The following UNC13C variants were observed in gnomAD, a reference collection of about 807,000 sequenced individuals.
The protein encoded by UNC13C is unc-13 homolog C.
In UNC13C, 174 loss-of-function variants were observed where a neutral mutation model predicts 245.4. The ratio of observed to expected loss-of-function variants is 0.71; its 90% CI spans 0.63 to 0.80. UNC13C has a LOEUF of 0.80. Ranked by LOEUF, UNC13C falls within the 30% of genes least tolerant of loss-of-function variation. The probability of loss-of-function intolerance (pLI) is 0.00; values close to 1 mark genes in which losing one functional copy is unlikely to be tolerated. For synonymous variants in UNC13C, 992 were observed against 895.1 expected, an observed-to-expected ratio of 1.11 and a Z score of -1.93; for missense variants, 2,829 against 2,602.9, an observed-to-expected ratio of 1.09 and a Z score of -1.89.
chr15:53,985,707 G>T (rs1406046364), intron 1 of UNC13C, among the ~76,000 whole-genome samples: 2 of 151,958 alleles, frequency 1.3e-5, no homozygotes, highest in Non-Finnish European at 2.9e-5. Flanking sequence ...ATTAGTAGGG[G>T]AGCTGCCTAC....
chr15:53,882,784 G>T, the UNC13C span, among the ~76,000 whole-genome samples: 1 of 152,090 alleles, frequency 6.6e-6, no homozygotes. Context: ...GCATTAAATA[G>T]TTAAACAGCC....
chr15:54,154,125 C>A (rs1285276980), intron 4 of UNC13C, among the ~76,000 whole-genome samples: 2 of 151,850 alleles, frequency 1.3e-5, no homozygotes, highest in Non-Finnish European at 2.9e-5. Context: ...ATTTATTGAG[C>A]ACTAGGTCTT....
intron 4 of UNC13C, among the ~76,000 whole-genome samples, chr15:54,232,950 G>A (rs1340365195): frequency 6.6e-6 from 1 of 152,104 alleles, no homozygotes; most frequent in African/African-American, 2.4e-5. Flanking sequence ...GAATTGGCAG[G>A]GGGTGGGAAG....
chr15:54,243,593 A>G (rs2035916987), intron 7 of UNC13C, among the ~76,000 whole-genome samples: 1 of 95,462 alleles, frequency 1.0e-5, no homozygotes, highest in Non-Finnish European at 1.9e-5. Flanking sequence ...AATTCCCACC[A>G]ACAGTGTAAA....
chr15:54,196,618 C>G (rs2034361816), intron 4 of UNC13C, among the ~76,000 whole-genome samples: 1 of 152,036 alleles, frequency 6.6e-6, no homozygotes, highest in Non-Finnish European at 1.5e-5. Flanking sequence ...GTATAAAAGA[C>G]AATATATCAT....
At chr15:54,606,435 G>A (rs908940268) in intron 30 of UNC13C, among the ~76,000 whole-genome samples, 27 of 152,170 alleles carry the variant, frequency 1.8e-4, no homozygotes, top group Non-Finnish European at 2.5e-4. Flanking sequence ...TAAATCATTT[G>A]TGGGTTTCTT....
At chr15:54,075,342 A>T (rs1898541649) in intron 2 of UNC13C, among the ~76,000 whole-genome samples, 1 of 152,030 alleles carries the variant, frequency 6.6e-6, no homozygotes, top group East Asian at 1.9e-4. Flanking sequence ...AAAATTAGCC[A>T]GGCCTGGCGG....
At chr15:54,072,520 C>T (rs1898377640) in intron 2 of UNC13C, among the ~76,000 whole-genome samples, 1 of 152,094 alleles carries the variant, frequency 6.6e-6, no homozygotes, top group South Asian at 2.1e-4. Context: ...TTTGGAATAC[C>T]CCATGTTACT....
intron 2 of UNC13C, among the ~76,000 whole-genome samples, chr15:54,109,110 C>T (rs1485535179): frequency 6.6e-6 from 1 of 152,132 alleles, no homozygotes; most frequent in African/African-American, 2.4e-5. Context: ...CAGACGTTTC[C>T]TATTTGGGAT....
chr15:54,174,318 G>C (rs1329498491), intron 4 of UNC13C, among the ~76,000 whole-genome samples: 1 of 152,068 alleles, frequency 6.6e-6, no homozygotes, highest in Non-Finnish European at 1.5e-5. Context: ...AACAAAAATA[G>C]TTTTCTTTTA....
chr15:54,268,822 A>G (rs2036612655), intron 10 of UNC13C, among the ~76,000 whole-genome samples: 1 of 152,040 alleles, frequency 6.6e-6, no homozygotes, highest in Non-Finnish European at 1.5e-5. Context: ...TTTAAATCTT[A>G]ATCTGGCCTT....
In UNC13C at chr15:54,333,845, T is replaced by A. The variant is rs1296254979; in HGVS notation, c.4573T>A (p.Phe1525Ile). Residue 1525 changes from phenylalanine (F) to isoleucine (I), a missense_variant, in exon 16 of 33, where the codon TTT becomes ATT. By Grantham distance (21) the Phe-to-Ile change is conservative. Coordinates refer to ENST00000260323, the MANE Select transcript of UNC13C (RefSeq NM_001080534.3). ...TVDLLTSITF[F>I]RMKVLELQSP... Reference sequence around the variant, plus strand: ...TGACCTGTTAACAAGTATCACCTTTTTTAGGATGAAGGTATCTCATTTTAT... The same window carrying A: ...TGACCTGTTAACAAGTATCACCTTTATTAGGATGAAGGTATCTCATTTTAT... 6.2e-7 allele frequency: 1 copy of A among 1,600,876 alleles called. No homozygotes were observed. The highest frequency in any genetic ancestry group is 2.2e-5 in the East Asian group (1 of 44,532).
intron 27 of UNC13C, among the ~76,000 whole-genome samples, chr15:54,549,235 G>A (rs1010048283): frequency 2.0e-5 from 3 of 152,126 alleles, no homozygotes; most frequent in Non-Finnish European, 4.4e-5. Context: ...TTTAGAAGGA[G>A]CAATTCCACC....
At chr15:54,416,266 G>A (rs1357298070) in intron 19 of UNC13C, among the ~76,000 whole-genome samples, 1 of 152,046 alleles carries the variant, frequency 6.6e-6, no homozygotes, top group African/African-American at 2.4e-5. Context: ...AGTGAGACAG[G>A]TTTTATAGCG....
intron 2 of UNC13C, among the ~76,000 whole-genome samples, chr15:54,026,475 G>A (rs1438033710): frequency 6.6e-6 from 1 of 152,106 alleles, no homozygotes; most frequent in Non-Finnish European, 1.5e-5. Flanking sequence ...CTGCGTCAAG[G>A]GTATTTCTCT....
rs142060210 is a variant in UNC13C, at chr15:54,079,204, G to T, written c.2983+63318G>T. ...TCTGTACTTGTACGATGTTCCTTTG[G>T]TTACCATAGCTTTGTAGTATAGTTT... On this transcript the variant is annotated intron_variant, in intron 2 of 32. Transcript: ENST00000260323. Among the ~76,000 whole-genome samples the T allele has an allele frequency of 2.6e-5, 4 of 152,086 alleles. No individual in the cohort carries two copies. In the East Asian group the frequency reaches 7.7e-4, roughly 29 times the overall value.
intron 4 of UNC13C, among the ~76,000 whole-genome samples, chr15:54,219,241 C>T (rs1373810181): frequency 6.6e-6 from 1 of 151,068 alleles, no homozygotes; most frequent in Admixed American, 6.6e-5. Context: ...GTACTGGTAC[C>T]AAAACAGAGA....
At chr15:54,342,450 A>G (rs1369274928) in intron 17 of UNC13C, among the ~76,000 whole-genome samples, 1 of 151,936 alleles carries the variant, frequency 6.6e-6, no homozygotes, top group Non-Finnish European at 1.5e-5. Context: ...CTATAGTCAC[A>G]CCTACTTAGG....
chr15:54,376,260 T>A (rs990975910), intron 17 of UNC13C, among the ~76,000 whole-genome samples: 4 of 152,146 alleles, frequency 2.6e-5, no homozygotes, highest in African/African-American at 9.7e-5. Flanking sequence ...ATAAATTTCC[T>A]GGAACATCTA....
Sources: gnomAD v4.1 joint callset for allele counts (sites outside exome capture counted in the v4.1 genomes callset) on GRCh38, gnomAD v4.1.1 for gene constraint, MANE v1.5 for transcripts, NCBI Gene and HGNC (gene_info 2026-07-23, HGNC 2026-07-21) for gene names.